Variants in CSMD1 observed in about 807,000 individuals in gnomAD.
The protein encoded by CSMD1 is CUB and sushi domain-containing protein 1.
A neutral mutation model predicts 417.5 loss-of-function variants in CSMD1; 213 were observed. The ratio of observed to expected loss-of-function variants is 0.51; its 90% CI spans 0.46 to 0.57. CSMD1 has a LOEUF of 0.57. CSMD1 is among the 20% of genes least tolerant of loss of function. The pLI is 0.00. For synonymous variants in CSMD1, 2,862 were observed against 1,736.8 expected (o/e 1.65, Z -16.11); for missense variants, 6,923 against 4,529.7 (o/e 1.53, Z -15.17).
At chr8:3,845,605 G>A (rs1043716988) in intron 5 of CSMD1, among the ~76,000 whole-genome samples, 3 of 152,008 alleles carry the variant, frequency 2.0e-5, no homozygotes, top group East Asian at 1.9e-4. Flanking sequence ...ACTACTGCGG[G>A]ATCTATAAAT....
chr8:3,505,311 C>T (rs749696145), intron 10 of CSMD1, among the ~76,000 whole-genome samples: 2 of 151,944 alleles, frequency 1.3e-5, no homozygotes, highest in East Asian at 1.9e-4. Flanking sequence ...GTGGAGTGAC[C>T]GCTGAAACTT....
chr8:3,566,573 G>T (rs773705439), intron 10 of CSMD1, among the ~76,000 whole-genome samples: 1 of 140,178 alleles, frequency 7.1e-6, no homozygotes, highest in Admixed American at 7.7e-5. Flanking sequence ...TATTGAAAAA[G>T]AACTTAGATT....
intron 1 of CSMD1, among the ~76,000 whole-genome samples, chr8:4,964,246 G>C (rs151059100): frequency 3.8e-3 from 577 of 152,104 alleles, no homozygotes; most frequent in Non-Finnish European, 5.8e-3. Flanking sequence ...AGGTATGGTG[G>C]CTAACACCTG....
At chr8:4,799,172 C>T (rs1382198590) in intron 1 of CSMD1, among the ~76,000 whole-genome samples, 1 of 152,104 alleles carries the variant, frequency 6.6e-6, no homozygotes, top group Non-Finnish European at 1.5e-5. Flanking sequence ...AAAGTCACTA[C>T]ATGACAGGCA....
intron 3 of CSMD1, among the ~76,000 whole-genome samples, chr8:4,313,962 C>G (rs1309846978): frequency 1.3e-5 from 2 of 151,452 alleles, no homozygotes; most frequent in African/African-American, 4.9e-5. Context: ...TGCAGCGAGC[C>G]GAGACTGCGC....
chr8:4,329,157 G>A (rs1037731334), intron 3 of CSMD1, among the ~76,000 whole-genome samples: 7 of 152,020 alleles, frequency 4.6e-5, no homozygotes, highest in African/African-American at 1.7e-4. Context: ...TGAATGCACG[G>A]TTCTCATCAA....
chr8:4,698,467 A>T (rs984392551), intron 1 of CSMD1, among the ~76,000 whole-genome samples: 1 of 152,186 alleles, frequency 6.6e-6, no homozygotes, highest in African/African-American at 2.4e-5. Flanking sequence ...TTATGTTCTC[A>T]TAAGGCAGTT....
intron 1 of CSMD1, among the ~76,000 whole-genome samples, chr8:4,714,952 C>T (rs1808555432): frequency 6.6e-6 from 1 of 152,166 alleles, no homozygotes; most frequent in Non-Finnish European, 1.5e-5. Context: ...AATTCTGCTG[C>T]TGTTTTTGTA....
intron 5 of CSMD1, among the ~76,000 whole-genome samples, chr8:3,817,227 T>A (rs1437757679): frequency 7.5e-6 from 1 of 133,458 alleles, no homozygotes; most frequent in Non-Finnish European, 1.6e-5. Context: ...GATCTCCAAA[T>A]CCAAAGTGGT....
intron 23 of CSMD1, among the ~76,000 whole-genome samples, chr8:3,314,314 C>G (rs369681439): frequency 1.3e-5 from 2 of 152,034 alleles, no homozygotes; most frequent in African/African-American, 4.8e-5. Flanking sequence ...GATATTCTTC[C>G]AAATAGAGAT....
At position 4,812,183 on chromosome 8, in the gene CSMD1, C is replaced by T. The variant is rs1233756170; in HGVS notation, c.86-174625G>A. ...GCTGCTTCGTGTGCAGCGAGATAAA[C>T]ACAGCTGTCTGTTCACTGCCTTGCC... is the stretch of plus-strand genomic sequence containing the variant. On this transcript the variant is annotated intron_variant, in intron 1 of 69. Coordinates refer to ENST00000635120, the MANE Select transcript of CSMD1 (RefSeq NM_033225.6). 2.6e-5 allele frequency among the ~76,000 whole-genome samples: 4 copies of T among 152,298 alleles called. No individual in the cohort carries two copies. In the East Asian group the frequency reaches 7.7e-4, roughly 29 times the overall value.
chr8:4,488,362 A>T (rs139058486), intron 2 of CSMD1, among the ~76,000 whole-genome samples: 29 of 152,240 alleles, frequency 1.9e-4, no homozygotes, highest in Admixed American at 1.4e-3. Flanking sequence ...AACACTTGAC[A>T]TATAGAAACT....
chr8:3,593,933 T>C (rs1315612853), intron 8 of CSMD1, among the ~76,000 whole-genome samples: 1 of 152,190 alleles, frequency 6.6e-6, no homozygotes, highest in Non-Finnish European at 1.5e-5. Flanking sequence ...GAATCAGTTA[T>C]ATGGGGAGTT....
chr8:4,033,575 C>A (rs1051914872), intron 3 of CSMD1, among the ~76,000 whole-genome samples: 1 of 152,196 alleles, frequency 6.6e-6, no homozygotes, highest in African/African-American at 2.4e-5. Context: ...TCTTATGTCT[C>A]CCTACAATGT....
intron 2 of CSMD1, among the ~76,000 whole-genome samples, chr8:4,609,309 G>T (rs1485878326): frequency 1.3e-5 from 2 of 152,160 alleles, no homozygotes; most frequent in Non-Finnish European, 2.9e-5. Context: ...GCTGAGGTGG[G>T]AGGATTGCTG....
rs1351618560 is a variant in CSMD1 at position 4,145,965 on chromosome 8, G to A, written c.416-113866C>T. Among the ~76,000 whole-genome samples, 4 of 150,864 alleles carry A rather than the reference G, an allele frequency of 2.7e-5. 1 individual carries two copies. Among genetic ancestry groups the A allele is most frequent in the African/African-American group, 9.9e-5 (4 of 40,272 alleles). ...GACCACGCTGTTTCTTGTTACCGCT[G>A]TCATTTGTAGACAGGGTGCAAATTT... On this transcript the variant is annotated intron_variant, in intron 3 of 69. Coordinates refer to ENST00000635120, the MANE Select transcript of CSMD1 (RefSeq NM_033225.6).
At chr8:3,474,636 C>G (rs950472422) in intron 11 of CSMD1, among the ~76,000 whole-genome samples, 5 of 152,092 alleles carry the variant, frequency 3.3e-5, no homozygotes, top group Admixed American at 1.3e-4. Flanking sequence ...GAACTTAACT[C>G]TTGTTTATAT....
At chr8:3,628,615 T>G (rs1416299576) in intron 7 of CSMD1, among the ~76,000 whole-genome samples, 4 of 149,636 alleles carry the variant, frequency 2.7e-5, no homozygotes, top group African/African-American at 7.4e-5. Context: ...GAAGAGGGAG[T>G]GTCTCAGAGG....
At chr8:3,737,324 C>G (rs1346595849) in intron 6 of CSMD1, among the ~76,000 whole-genome samples, 2 of 152,152 alleles carry the variant, frequency 1.3e-5, no homozygotes, top group Admixed American at 1.3e-4. Context: ...AGACAGCTGA[C>G]CACAAACCTC....
Sources: gnomAD v4.1 joint callset for allele counts (sites outside exome capture counted in the v4.1 genomes callset) on GRCh38, gnomAD v4.1.1 for gene constraint, MANE v1.5 for transcripts, NCBI Gene and HGNC (gene_info 2026-07-23, HGNC 2026-07-21) for gene names.